The following RYR3 variants were observed in gnomAD, a reference collection of about 807,000 sequenced individuals.
RYR3 encodes the protein brain ryanodine receptor-calcium release channel.
Under a neutral mutation model 584.3 loss-of-function variants are expected in RYR3, and 207 were observed. That is an observed-to-expected ratio of 0.35 (90% CI 0.32 to 0.40). RYR3 has a LOEUF of 0.40. Ranked by LOEUF, RYR3 falls within the 10% of genes least tolerant of loss-of-function variation. The probability of loss-of-function intolerance (pLI) is 1.00; values close to 1 mark genes in which losing one functional copy is unlikely to be tolerated. For synonymous variants in RYR3, 2,416 were observed against 2,248.5 expected (o/e 1.07, Z -2.11); for missense variants, 5,616 against 6,089.2 (o/e 0.92, Z 2.59).
rs1432284705 is a variant in RYR3, at chr15:33,662,668, C to G, written c.5138C>G (p.Pro1713Arg). The G allele has an allele frequency of 6.2e-7, 1 of 1,614,020 alleles. No individual in the cohort carries two copies. The highest frequency in any genetic ancestry group is 1.7e-5 in the Admixed American group (1 of 59,998). ...VQCSGAHIRD[P>R]VGGSVEFQFV... ...TGCAGCGGGGCCCACATCCGAGACC[C>G]TGTAGGGGGGTCTGTGGAGTTCCAG... is the stretch of plus-strand genomic sequence containing the variant. Residue 1713 changes from proline to arginine, a missense_variant, in exon 35 of 104, where the codon CCT becomes CGT. Transcript: ENST00000634891.
intron 20 of RYR3, among the ~76,000 whole-genome samples, chr15:33,624,848 G>C (rs747859705): frequency 1.3e-5 from 2 of 152,124 alleles, no homozygotes; most frequent in Non-Finnish European, 2.9e-5. Flanking sequence ...GGCACTTGGG[G>C]TTAATCATTT....
intron 1 of RYR3, among the ~76,000 whole-genome samples, chr15:33,328,445 C>G (rs1345375906): frequency 1.3e-5 from 2 of 152,210 alleles, no homozygotes; most frequent in Non-Finnish European, 2.9e-5. Flanking sequence ...TTCCTTTCTT[C>G]AGGTCTAATG....
chr15:33,434,337 C>T (rs1328203822), intron 1 of RYR3, among the ~76,000 whole-genome samples: 3 of 151,912 alleles, frequency 2.0e-5, no homozygotes, highest in East Asian at 3.9e-4. Flanking sequence ...TTGGTGGGTC[C>T]TGTGCTTATA....
chr15:33,638,074 G>A (rs561887913), intron 27 of RYR3, among the ~76,000 whole-genome samples: 3 of 152,226 alleles, frequency 2.0e-5, no homozygotes, highest in South Asian at 2.1e-4. Flanking sequence ...TTACAAGTCC[G>A]TTGTATTTTC....
chr15:33,803,072 C>T (rs1044581783), intron 69 of RYR3, among the ~76,000 whole-genome samples: 1 of 152,222 alleles, frequency 6.6e-6, no homozygotes, highest in African/African-American at 2.4e-5. Context: ...GCATAGCTAG[C>T]TCTAGTCAGC....
At chr15:33,697,347 A>G (rs1183717077) in intron 39 of RYR3, among the ~76,000 whole-genome samples, 16 of 152,234 alleles carry the variant, frequency 1.1e-4, no homozygotes. Flanking sequence ...TAGTAGACAT[A>G]GCAGAAGTAA....
intron 89 of RYR3, 85 bp from the exon 90 acceptor site, chr15:33,840,740 C>G: frequency 7.8e-7 from 1 of 1,277,798 alleles, no homozygotes. Context: ...AATTTGTGAC[C>G]AAGAAGCAAA....
At chr15:33,436,924 G>T (rs116873421) in intron 1 of RYR3, among the ~76,000 whole-genome samples, 2 of 152,126 alleles carry the variant, frequency 1.3e-5, no homozygotes, top group Non-Finnish European at 2.9e-5. Flanking sequence ...AACATTTTCA[G>T]AGTTTTTCTT....
At chr15:33,764,962 C>G (rs1037927458) in intron 60 of RYR3, among the ~76,000 whole-genome samples, 2 of 134,226 alleles carry the variant, frequency 1.5e-5, no homozygotes, top group African/African-American at 5.8e-5. Flanking sequence ...ACTTGGGAGG[C>G]AGAGGTTGCA....
At position 33,820,776 on chromosome 15, in the gene RYR3, TGAA is replaced by T. The variant is rs772825862; in HGVS notation, c.10788_10790del (p.Glu3596del). 7.2e-5 allele frequency: 116 copies of T among 1,605,680 alleles called. 1 individual carries two copies. Among genetic ancestry groups the T allele is most frequent in the Admixed American group, 1.9e-4 (11 of 59,086 alleles). ...TCCAGAGTTGTCAAAGTGGTGAGGATGAAGAAGAAGATGAAGACAAGGAAAAAA... is the reference window on the plus strand; with the variant it reads ...TCCAGAGTTGTCAAAGTGGTGAGGATGAAGAAGATGAAGACAAGGAAAAAA... On this transcript the variant is annotated inframe_deletion, in exon 78 of 104. Coordinates refer to ENST00000634891, the MANE Select transcript of RYR3 (RefSeq NM_001036.6).
At chr15:33,685,764 A>T (rs372859700) in intron 38 of RYR3, among the ~76,000 whole-genome samples, 43 of 152,354 alleles carry the variant, frequency 2.8e-4, no homozygotes, top group East Asian at 9.6e-4. Context: ...AGTGCAATCA[A>T]ATTAGAATTC....
chr15:33,512,272 A>C (rs2053101494), intron 3 of RYR3, among the ~76,000 whole-genome samples: 1 of 152,196 alleles, frequency 6.6e-6, no homozygotes. Flanking sequence ...TCATGATAAA[A>C]ATGGAAAAAG....
At chr15:33,687,177 C>A (rs1886804589) in intron 38 of RYR3, among the ~76,000 whole-genome samples, 1 of 152,216 alleles carries the variant, frequency 6.6e-6, no homozygotes, top group Non-Finnish European at 1.5e-5. Flanking sequence ...CCCATCATCT[C>A]AGCCCAAAAT....
At chr15:33,658,008 A>T (rs972237253) in intron 32 of RYR3, among the ~76,000 whole-genome samples, 1 of 152,262 alleles carries the variant, frequency 6.6e-6, no homozygotes, top group East Asian at 1.9e-4. Flanking sequence ...AATTGCTTTG[A>T]CAAAAAGAAA....
In RYR3 at chr15:33,805,465, CTCTCTT is replaced by C. The variant is rs1474328169; in HGVS notation, c.10012-2088_10012-2083del. Among the ~76,000 whole-genome samples the C allele has an allele frequency of 5.3e-5, 6 of 112,452 alleles. No individual in the cohort carries two copies. The Admixed American group carries it at 5.3e-4, about 10-fold the overall frequency. The allele number at this position is 112,452 out of a possible 152,430, so 73.8% of individuals were successfully genotyped here. A position where few individuals can be genotyped will look rare whatever the true frequency, so the allele number is the denominator to read the frequency against. ...TCATTCCCTCCCCTACCACTTTTCT[CTCTCTT>C]TTTTTTTTTTTTTTCTTCTTCTTTG... is the stretch of plus-strand genomic sequence containing the variant. On this transcript the variant is annotated intron_variant, in intron 69 of 103. Coordinates refer to ENST00000634891, the MANE Select transcript of RYR3 (RefSeq NM_001036.6).
intron 74 of RYR3, chr15:33,815,807 A>C (rs890158278): frequency 1.8e-5 from 7 of 398,404 alleles, no homozygotes; most frequent in African/African-American, 1.4e-4. Context: ...CTAGTTTTTA[A>C]AAGAAAACTT....
chr15:33,449,447 A>G (rs1173808524), intron 1 of RYR3, among the ~76,000 whole-genome samples: 1 of 152,240 alleles, frequency 6.6e-6, no homozygotes, highest in East Asian at 1.9e-4. Flanking sequence ...CACTAGGTCC[A>G]GCCCATACTC....
chr15:33,805,187 G>A (rs1019964629), intron 69 of RYR3, among the ~76,000 whole-genome samples: 2 of 152,116 alleles, frequency 1.3e-5, no homozygotes, highest in African/African-American at 4.8e-5. Context: ...CCTCAGAAGG[G>A]AATGGTAAGT....
intron 3 of RYR3, among the ~76,000 whole-genome samples, chr15:33,522,776 T>C (rs888172250): frequency 6.6e-6 from 1 of 152,292 alleles, no homozygotes; most frequent in African/African-American, 2.4e-5. Flanking sequence ...CGAGCTCCTG[T>C]TGCCTCATTC....
Sources: gnomAD v4.1 joint callset for allele counts (sites outside exome capture counted in the v4.1 genomes callset) on GRCh38, gnomAD v4.1.1 for gene constraint, MANE v1.5 for transcripts, NCBI Gene and HGNC (gene_info 2026-07-23, HGNC 2026-07-21) for gene names.